The following SV2C variants were observed in gnomAD, a reference collection of about 807,000 sequenced individuals.
SV2C encodes the protein solute carrier family 22 member B3.
SV2C carries 49 observed loss-of-function variants against 79.7 expected under a neutral mutation model. The observed-to-expected ratio is 0.61, with a 90% CI of 0.49 to 0.78. The LOEUF (loss-of-function observed/expected upper bound fraction) is 0.78, where lower values mean the gene tolerates loss of function less well. Among genes scored for constraint, SV2C ranks in the 30% least tolerant of loss-of-function variants. SV2C has a pLI of 0.00. For synonymous variants in SV2C, 334 were observed against 333.2 expected (o/e 1.00, Z -0.03); for missense variants, 833 against 912.9 (o/e 0.91, Z 1.13).
intron 2 of SV2C, among the ~76,000 whole-genome samples, chr5:76,165,976 T>G (rs1743034627): frequency 6.6e-6 from 1 of 152,032 alleles, no homozygotes; most frequent in Non-Finnish European, 1.5e-5. Flanking sequence ...TCAACTCCAG[T>G]CAAGAATGAG....
the SV2C span, among the ~76,000 whole-genome samples, chr5:75,946,282 A>T: frequency 6.6e-6 from 1 of 152,140 alleles, no homozygotes; most frequent in Non-Finnish European, 1.5e-5. Context: ...ATGTTTTTGC[A>T]TATGAATATC....
the SV2C span, among the ~76,000 whole-genome samples, chr5:75,861,463 C>G: frequency 2.6e-5 from 4 of 152,158 alleles, no homozygotes; most frequent in Admixed American, 1.3e-4. Flanking sequence ...TCAGCAATCC[C>G]ATTACTGGGT....
At chr5:76,186,677 GT>G (rs1459717044) in intron 2 of SV2C, among the ~76,000 whole-genome samples, 1 of 99,142 alleles carries the variant, frequency 1.0e-5, no homozygotes, top group Admixed American at 1.1e-4. Context: ...GGGCAACAAA[GT>G]GAGACCTTAT....
intron 4 of SV2C, among the ~76,000 whole-genome samples, chr5:76,250,196 G>A (rs1403152306): frequency 1.5e-5 from 2 of 137,580 alleles, no homozygotes; most frequent in Non-Finnish European, 3.4e-5. Flanking sequence ...TTTATTGCGC[G>A]TCCTGCTTTT....
chr5:76,041,122 G>A, the SV2C span, among the ~76,000 whole-genome samples: 1 of 152,092 alleles, frequency 6.6e-6, no homozygotes, highest in Non-Finnish European at 1.5e-5. Context: ...CATTCTTGTG[G>A]GGCTTGAGCA....
chr5:75,898,566 G>A, the SV2C span, among the ~76,000 whole-genome samples: 1 of 152,164 alleles, frequency 6.6e-6, no homozygotes, highest in Non-Finnish European at 1.5e-5. Context: ...TTGGTATCAG[G>A]ATGATGCTGG....
chr5:75,852,279 G>A, the SV2C span, among the ~76,000 whole-genome samples: 2 of 151,994 alleles, frequency 1.3e-5, no homozygotes, highest in Non-Finnish European at 1.5e-5. Context: ...AAACCTGCAC[G>A]TTCTGCACAT....
intron 4 of SV2C, among the ~76,000 whole-genome samples, chr5:76,227,022 G>C (rs906780073): frequency 1.9e-4 from 29 of 152,188 alleles, no homozygotes; most frequent in Non-Finnish European, 3.8e-4. Context: ...GACAGAAAGG[G>C]CCTGCTCAAG....
the SV2C span, among the ~76,000 whole-genome samples, chr5:76,021,879 G>T: frequency 6.6e-6 from 1 of 152,174 alleles, no homozygotes; most frequent in Non-Finnish European, 1.5e-5. Flanking sequence ...GATCTTATAG[G>T]TGAGTAAAAG....
intron 2 of SV2C, among the ~76,000 whole-genome samples, chr5:76,176,359 A>G (rs1472785242): frequency 2.0e-5 from 3 of 152,312 alleles, no homozygotes; most frequent in Non-Finnish European, 4.4e-5. Context: ...TTAATCAGCC[A>G]TATTGTAGGT....
At chr5:76,102,058 C>T (rs556664408) in intron 1 of SV2C, among the ~76,000 whole-genome samples, 8 of 152,208 alleles carry the variant, frequency 5.3e-5, no homozygotes, top group African/African-American at 1.7e-4. Context: ...CAGTTTTGTC[C>T]ATCTTCATAC....
chr5:76,190,424 G>A (rs1030648189), intron 2 of SV2C, among the ~76,000 whole-genome samples: 31 of 152,202 alleles, frequency 2.0e-4, no homozygotes, highest in Admixed American at 2.0e-3. Flanking sequence ...GGAAACATTA[G>A]GGGTAAAGAA....
intron 9 of SV2C, among the ~76,000 whole-genome samples, chr5:76,296,754 G>T (rs1307039413): frequency 6.6e-6 from 1 of 152,124 alleles, no homozygotes; most frequent in African/African-American, 2.4e-5. Context: ...AGATGAAAAA[G>T]AATTCAGTGG....
At chr5:76,080,779 G>A (rs1343956134), upstream of SV2C, among the ~76,000 whole-genome samples, 2 of 152,040 alleles carry the variant, frequency 1.3e-5, no homozygotes, top group African/African-American at 2.4e-5. Flanking sequence ...GGGGATGGAG[G>A]GTATACCCCT....
At chr5:76,294,354 T>G (rs1747671043) in intron 8 of SV2C, among the ~76,000 whole-genome samples, 1 of 145,726 alleles carries the variant, frequency 6.9e-6, no homozygotes, top group Admixed American at 7.4e-5. Flanking sequence ...CAGGCTGGAG[T>G]GCATTGGCAC....
chr5:76,103,544 G>A (rs893767759), intron 1 of SV2C, among the ~76,000 whole-genome samples: 1 of 152,186 alleles, frequency 6.6e-6, no homozygotes, highest in East Asian at 1.9e-4. Flanking sequence ...AGATGGGTTT[G>A]CATGTCAGCC....
chr5:76,053,145 T>G, the SV2C span, among the ~76,000 whole-genome samples: 1 of 150,938 alleles, frequency 6.6e-6, no homozygotes, highest in Non-Finnish European at 1.5e-5. Context: ...ACTCAAGAAC[T>G]TCAGAGAGCT....
chr5:76,132,108 C>T lies in SV2C; in HGVS notation c.358C>T (p.Arg120Trp), dbSNP rs759085527. ...GQPKGDEYKDRRELESERRAD... is the reference protein window; with the variant it reads ...GQPKGDEYKDWRELESERRAD... ...GCCCAAGGGCGATGAGTACAAGGAC[C>T]GGCGGGAGCTGGAATCAGAAAGGAG... Residue 120 changes from arginine (R) to tryptophan (W), a missense_variant, in exon 2 of 13, where the codon CGG (arginine) becomes TGG (tryptophan). By Grantham distance (101) the Arg-to-Trp change is moderately radical. Coordinates refer to ENST00000502798, the MANE Select transcript of SV2C (RefSeq NM_014979.4). 1.5e-5 allele frequency: 25 copies of T among 1,613,684 alleles called. No individual in the cohort carries two copies. Among genetic ancestry groups the T allele is most frequent in the South Asian group, 1.4e-4 (13 of 91,020 alleles).
intron 5 of SV2C, chr5:76,285,579 C>A: frequency 3.3e-6 from 2 of 607,142 alleles, no homozygotes; most frequent in Non-Finnish European, 2.8e-6. Flanking sequence ...TCTGGAGATA[C>A]TATTTCTAGT....
Sources: allele counts gnomAD v4.1 joint callset (sites outside exome capture counted in the v4.1 genomes callset), GRCh38; gene constraint gnomAD v4.1.1; transcripts MANE v1.5; gene names NCBI Gene and HGNC (gene_info 2026-07-23, HGNC 2026-07-21).